ANO1: variants seen among roughly 807,000 people sequenced by gnomAD.
ANO1 encodes the protein anoctamin 1.
In ANO1, 59 loss-of-function variants were observed where a neutral mutation model predicts 124.0. The ratio of observed to expected loss-of-function variants is 0.48; its 90% CI spans 0.39 to 0.59. The LOEUF (loss-of-function observed/expected upper bound fraction) is 0.59, where lower values mean the gene tolerates loss of function less well. Among genes scored for constraint, ANO1 ranks in the 20% least tolerant of loss-of-function variants. The probability of loss-of-function intolerance (pLI) is 0.00; values close to 1 mark genes in which losing one functional copy is unlikely to be tolerated. For missense variants in ANO1, 1,059 were observed against 1,328.0 expected (o/e 0.80, Z 3.15); for synonymous variants, 529 against 532.0 (o/e 0.99, Z 0.08).
intron 4 of ANO1, among the ~76,000 whole-genome samples, 165 bp downstream of exon 4, chr11:70,104,315 A>G (rs1184620343): frequency 6.6e-6 from 1 of 152,194 alleles, no homozygotes; most frequent in Non-Finnish European, 1.5e-5. Context: ...ATGATTTCTA[A>G]GATCACCGTT....
chr11:70,152,063 G>A (rs1386439367), intron 12 of ANO1, among the ~76,000 whole-genome samples: 1 of 152,124 alleles, frequency 6.6e-6, no homozygotes, highest in Non-Finnish European at 1.5e-5. Context: ...AGGACCGGGC[G>A]CGGTGGCTCA....
intron 1 of ANO1, among the ~76,000 whole-genome samples, chr11:70,016,087 G>A (rs948207269): frequency 6.6e-6 from 1 of 151,432 alleles, no homozygotes; most frequent in African/African-American, 2.4e-5. Context: ...GAGTGCAGTG[G>A]TGCAATCTCG....
intron 2 of ANO1, among the ~76,000 whole-genome samples, chr11:70,089,992 TTTGTTTG>T (rs1404435616): frequency 2.0e-3 from 2 of 976 alleles, no homozygotes; most frequent in Non-Finnish European, 4.8e-3. Context: ...TTCCCCAGGG[TTTGTTTG>T]TTTGTTTGTT....
chr11:70,094,073 A>G (rs2044745180), intron 2 of ANO1, among the ~76,000 whole-genome samples: 2 of 152,218 alleles, frequency 1.3e-5, no homozygotes, highest in Non-Finnish European at 1.5e-5. Flanking sequence ...TCGAGCCCAC[A>G]GAGGGACAGA....
intron 18 of ANO1, among the ~76,000 whole-genome samples, chr11:70,162,001 G>T (rs1354163760): frequency 6.7e-6 from 1 of 150,314 alleles, no homozygotes; most frequent in Non-Finnish European, 1.5e-5. Context: ...GGGAGTGAGG[G>T]CCCTGGGCAG....
chr11:70,049,239 C>T (rs1359349506), intron 1 of ANO1, among the ~76,000 whole-genome samples: 1 of 152,194 alleles, frequency 6.6e-6, no homozygotes, highest in East Asian at 1.9e-4. Context: ...CCAAGTCACC[C>T]ACCGGAAACA....
chr11:69,983,553 TC>T (rs1230105080), upstream of ANO1, among the ~76,000 whole-genome samples: 3 of 152,160 alleles, frequency 2.0e-5, no homozygotes, highest in African/African-American at 7.2e-5. Context: ...AGCGTGGGGT[TC>T]CCCAGAAAAT....
chr11:69,985,711 C>G (rs924225037), upstream of ANO1, among the ~76,000 whole-genome samples: 2 of 152,154 alleles, frequency 1.3e-5, no homozygotes, highest in Non-Finnish European at 2.9e-5. Context: ...AGACGCGCCC[C>G]GCGCAGCGGG....
chr11:70,159,032 A>C (rs2047938777), intron 16 of ANO1, among the ~76,000 whole-genome samples: 1 of 152,170 alleles, frequency 6.6e-6, no homozygotes, highest in East Asian at 1.9e-4. Flanking sequence ...CTGCAGAAGC[A>C]GCAGCATTGT....
intron 15 of ANO1, among the ~76,000 whole-genome samples, 159 bp downstream of exon 15, chr11:70,156,147 C>T (rs868130654): frequency 2.0e-5 from 3 of 150,364 alleles, no homozygotes; most frequent in Non-Finnish European, 4.4e-5. Flanking sequence ...CAGCATGTTG[C>T]GATGGCACTG....
chr11:70,172,815 G>A (rs1392265655), intron 22 of ANO1, among the ~76,000 whole-genome samples: 6 of 151,852 alleles, frequency 4.0e-5, no homozygotes, highest in Admixed American at 1.3e-4. Context: ...GCAGTGAGCC[G>A]AGATCATGCG....
chr11:70,128,791 A>G (rs375210376), intron 10 of ANO1, among the ~76,000 whole-genome samples: 1,644 of 152,256 alleles, frequency 0.011, 15 homozygotes, highest in Middle Eastern at 0.02. Flanking sequence ...TGAGAGGCGG[A>G]GGGGGATTTA....
At chr11:70,103,419 G>T (rs1443635396) in intron 3 of ANO1, among the ~76,000 whole-genome samples, 2 of 152,106 alleles carry the variant, frequency 1.3e-5, no homozygotes, top group South Asian at 4.2e-4. Context: ...CCAAGAGATG[G>T]TGCAGGCAGA....
intron 9 of ANO1, 46 bp downstream of exon 9, chr11:70,124,460 G>A (rs1413558245): frequency 2.5e-6 from 4 of 1,570,738 alleles, no homozygotes; most frequent in South Asian, 1.1e-5. Flanking sequence ...CTACTCCGAT[G>A]GCAGTCGGAT....
intron 1 of ANO1, among the ~76,000 whole-genome samples, chr11:70,068,326 G>A (rs1857785064): frequency 6.6e-6 from 1 of 152,230 alleles, no homozygotes; most frequent in African/African-American, 2.4e-5. Flanking sequence ...CCTCCACTAG[G>A]CGGGTGCTAG....
chr11:69,967,615 A>G, the ANO1 span, among the ~76,000 whole-genome samples: 2 of 152,166 alleles, frequency 1.3e-5, no homozygotes, highest in Non-Finnish European at 2.9e-5. Context: ...AAATGAAAAC[A>G]TGTCAAGGGC....
chr11:69,988,466 T>A (rs978872104), intron 1 of ANO1, among the ~76,000 whole-genome samples: 3 of 152,202 alleles, frequency 2.0e-5, no homozygotes, highest in South Asian at 4.1e-4. Flanking sequence ...AGTGCCTGGC[T>A]CTGTTCTGTG....
intron 11 of ANO1, among the ~76,000 whole-genome samples, chr11:70,144,616 A>G (rs1044063382): frequency 3.3e-5 from 5 of 152,194 alleles, no homozygotes; most frequent in African/African-American, 1.2e-4. Context: ...TAGCCCAACT[A>G]TCCGCTCCCG....
Position 70,111,154 on chromosome 11 carries a change from C to T in ANO1, c.800-553C>T, listed in dbSNP as rs577991916. On this transcript the variant is annotated intron_variant, in intron 6 of 25. Coordinates refer to ENST00000355303, the MANE Select transcript of ANO1 (RefSeq NM_018043.7). ...AAGGCGAGGGAAGAAAGAAGGACTC[C>T]GCCCTTCTAAGTAAAAGGCGGAAAT... 470 of 456,948 alleles carry T rather than the reference C, an allele frequency of 1.0e-3. 1 individual carries two copies. The highest frequency in any genetic ancestry group is 2.2e-3 in the South Asian group (141 of 64,572). 28.3% of individuals were successfully genotyped at this position (456,948 alleles called of 1,614,324 possible).
Sources: gnomAD v4.1 joint callset for allele counts (sites outside exome capture counted in the v4.1 genomes callset) on GRCh38, gnomAD v4.1.1 for gene constraint, MANE v1.5 for transcripts, NCBI Gene and HGNC (gene_info 2026-07-23, HGNC 2026-07-21) for gene names.